Variants in TENM3 observed in about 807,000 individuals in gnomAD.
TENM3 encodes the protein teneurin-3.
TENM3 carries 63 observed loss-of-function variants against 255.1 expected under a neutral mutation model. The observed-to-expected ratio is 0.25, with a 90% CI of 0.20 to 0.30. The LOEUF is 0.30. TENM3 is among the 10% of genes least tolerant of loss of function. The pLI is 1.00. For synonymous variants in TENM3, 1,306 were observed against 1,322.3 expected, an observed-to-expected ratio of 0.99 and a Z score of 0.27; for missense variants, 2,929 against 3,461.1, an observed-to-expected ratio of 0.85 and a Z score of 3.86.
chr4:182,002,358 T>C, the TENM3 span, among the ~76,000 whole-genome samples: 8 of 152,134 alleles, frequency 5.3e-5, no homozygotes, highest in Non-Finnish European at 1.2e-4. Context: ...CTTTAGGTGA[T>C]TGTCAGTAAA....
the TENM3 span, among the ~76,000 whole-genome samples, chr4:181,944,784 G>C: frequency 6.6e-6 from 1 of 152,130 alleles, no homozygotes; most frequent in South Asian, 2.1e-4. Context: ...TTTGCAGACA[G>C]AGCCTGGGTC....
the TENM3 span, among the ~76,000 whole-genome samples, chr4:181,502,384 T>G: frequency 5.9e-5 from 9 of 152,254 alleles, no homozygotes; most frequent in East Asian, 1.7e-3. Flanking sequence ...GGGAGCTCTC[T>G]GTGGAATGAG....
the TENM3 span, among the ~76,000 whole-genome samples, chr4:181,540,125 AAGAC>A: frequency 6.6e-6 from 1 of 152,116 alleles, no homozygotes; most frequent in African/African-American, 2.4e-5. Flanking sequence ...GAAGAATACA[AAGAC>A]AGAACAGACG....
intron 3 of TENM3, among the ~76,000 whole-genome samples, chr4:182,493,399 G>T (rs1034828757): frequency 6.6e-6 from 1 of 152,114 alleles, no homozygotes; most frequent in Non-Finnish European, 1.5e-5. Flanking sequence ...TTGTTGGAAA[G>T]CTTTCAAAGG....
chr4:181,739,948 A>G, the TENM3 span, among the ~76,000 whole-genome samples: 71 of 152,358 alleles, frequency 4.7e-4, no homozygotes, highest in East Asian at 0.011. Flanking sequence ...TGTGTTGCGT[A>G]GCAACCGGCG....
At chr4:182,488,846 G>A (rs1398113911) in intron 3 of TENM3, among the ~76,000 whole-genome samples, 1 of 152,080 alleles carries the variant, frequency 6.6e-6, no homozygotes. Context: ...AAAAGTTCTA[G>A]GAGAATGCTG....
At chr4:182,099,493 T>G in the TENM3 span, among the ~76,000 whole-genome samples, 3 of 152,128 alleles carry the variant, frequency 2.0e-5, no homozygotes, top group Non-Finnish European at 2.9e-5. Flanking sequence ...TAAGCAAGGA[T>G]TAGTTTTTAC....
At chr4:182,409,225 C>A (rs1378754109) in intron 3 of TENM3, among the ~76,000 whole-genome samples, 2 of 152,202 alleles carry the variant, frequency 1.3e-5, no homozygotes, top group Admixed American at 1.3e-4. Context: ...ATCTCCCAAC[C>A]AGAAAGCTCT....
intron 1 of TENM3, among the ~76,000 whole-genome samples, chr4:182,202,384 C>T (rs1754242424): frequency 6.7e-6 from 1 of 150,106 alleles, no homozygotes; most frequent in Non-Finnish European, 1.5e-5. Flanking sequence ...CGGCTCACCA[C>T]AACCTCTGCC....
chr4:182,559,072 T>A (rs1245810608), intron 3 of TENM3, among the ~76,000 whole-genome samples: 1 of 152,062 alleles, frequency 6.6e-6, no homozygotes, highest in African/African-American at 2.4e-5. Context: ...TTCTTTCACA[T>A]TATTCTTTGC....
At chr4:181,676,604 G>C in the TENM3 span, among the ~76,000 whole-genome samples, 1 of 151,768 alleles carries the variant, frequency 6.6e-6, no homozygotes. Flanking sequence ...CATTGGATTA[G>C]AATGGATCAT....
chr4:181,503,317 G>C, the TENM3 span, among the ~76,000 whole-genome samples: 1 of 152,166 alleles, frequency 6.6e-6, no homozygotes, highest in Non-Finnish European at 1.5e-5. Flanking sequence ...AGTGAGATGT[G>C]ATTGCACCAC....
At chr4:181,985,047 A>C in the TENM3 span, among the ~76,000 whole-genome samples, 1 of 151,984 alleles carries the variant, frequency 6.6e-6, no homozygotes, top group Non-Finnish European at 1.5e-5. Flanking sequence ...AGAAAAGAAA[A>C]ATGGGCAATG....
intron 1 of TENM3, among the ~76,000 whole-genome samples, chr4:182,318,256 A>G (rs1009568234): frequency 1.3e-5 from 2 of 152,158 alleles, no homozygotes; most frequent in East Asian, 1.9e-4. Flanking sequence ...CTCTACATAG[A>G]TATATATAAC....
the TENM3 span, among the ~76,000 whole-genome samples, chr4:181,530,579 G>A: frequency 1.3e-3 from 200 of 152,258 alleles, no homozygotes; most frequent in African/African-American, 4.3e-3. Context: ...GCTAACAGTC[G>A]TAGAATTTGT....
intron 3 of TENM3, among the ~76,000 whole-genome samples, chr4:182,378,816 A>G (rs989249812): frequency 1.3e-5 from 2 of 152,174 alleles, no homozygotes; most frequent in African/African-American, 4.8e-5. Flanking sequence ...GGTTTTGAAC[A>G]GGGAGAGACA....
the TENM3 span, among the ~76,000 whole-genome samples, chr4:181,456,004 C>G: frequency 1.9e-3 from 281 of 151,798 alleles, no homozygotes; most frequent in African/African-American, 6.7e-3. Flanking sequence ...CACTATGTGG[C>G]ATATTTCATT....
chr4:181,983,982 G>A, the TENM3 span, among the ~76,000 whole-genome samples: 1 of 152,076 alleles, frequency 6.6e-6, no homozygotes, highest in Admixed American at 6.6e-5. Context: ...GTCTATATGA[G>A]TATCAGTTTT....
chr4:182,107,044 A>G, the TENM3 span, among the ~76,000 whole-genome samples: 1 of 152,004 alleles, frequency 6.6e-6, no homozygotes, highest in Non-Finnish European at 1.5e-5. Flanking sequence ...ACTTGTCTAG[A>G]ATATATTCTA....
Sources: gnomAD v4.1 joint callset for allele counts (sites outside exome capture counted in the v4.1 genomes callset) on GRCh38, gnomAD v4.1.1 for gene constraint, MANE v1.5 for transcripts, NCBI Gene and HGNC (gene_info 2026-07-23, HGNC 2026-07-21) for gene names.